The following ZC3H12C variants were observed in gnomAD, a reference collection of about 807,000 sequenced individuals.
ZC3H12C encodes probable ribonuclease ZC3H12C.
Under a neutral mutation model 76.3 loss-of-function variants are expected in ZC3H12C, and 20 were observed. The ratio of observed to expected loss-of-function variants is 0.26; its 90% CI spans 0.18 to 0.38. The LOEUF (loss-of-function observed/expected upper bound fraction) is 0.38, where lower values mean the gene tolerates loss of function less well. Ranked by LOEUF, ZC3H12C falls within the 10% of genes least tolerant of loss-of-function variation. The pLI is 1.00. For missense variants in ZC3H12C, 874 were observed against 1,086.5 expected (o/e 0.80, Z 2.75); for synonymous variants, 352 against 399.6 (o/e 0.88, Z 1.42).
chr11:110,157,006 C>T (rs183137896), intron 3 of ZC3H12C, among the ~76,000 whole-genome samples: 364 of 152,120 alleles, frequency 2.4e-3, no homozygotes, highest in Non-Finnish European at 2.4e-3. Flanking sequence ...TGGTGAAACC[C>T]CATCTCTACT....
intron 1 of ZC3H12C, among the ~76,000 whole-genome samples, chr11:110,127,294 T>C (rs1219343588): frequency 6.6e-6 from 1 of 152,226 alleles, no homozygotes; most frequent in Non-Finnish European, 1.5e-5. Context: ...TGGTTTAAAG[T>C]TAGTCTTTAA....
chr11:110,120,807 T>C (rs1015640432), intron 1 of ZC3H12C, among the ~76,000 whole-genome samples: 7 of 152,208 alleles, frequency 4.6e-5, no homozygotes, highest in African/African-American at 1.7e-4. Flanking sequence ...ATGCAGCACT[T>C]AAACATTGAT....
chr11:110,164,682 CA>C lies in ZC3H12C; in HGVS notation c.1600del (p.Ser534AlafsTer5). ...CCCAGCTACTTCTACTGCAAAACCCCAAAGCACTACATCTTTAAGCAATGGC... is the reference window on the plus strand; with the variant it reads ...CCCAGCTACTTCTACTGCAAAACCCCAAGCACTACATCTTTAAGCAATGGC... ...SIPATSTAKP[Q>X]STTSLSNGLP... is the part of the protein sequence containing the mutation. On this transcript the variant is annotated frameshift_variant, in exon 6 of 6. Transcript: ENST00000278590. LOFTEE classifies it high-confidence loss of function. The surrounding 1 kb of genome is among the most constrained non-coding windows in gnomAD (Gnocchi z 5.7). The C allele has an allele frequency of 6.2e-7, 1 of 1,614,028 alleles. No homozygotes were observed. Among genetic ancestry groups the C allele is most frequent in the Non-Finnish European group, 8.5e-7 (1 of 1,179,890 alleles).
chr11:110,112,458 TG>T (rs1057296760), intron 1 of ZC3H12C, among the ~76,000 whole-genome samples: 2 of 152,234 alleles, frequency 1.3e-5, no homozygotes, highest in African/African-American at 4.8e-5. Flanking sequence ...CCCAAAGTGC[TG>T]GGATTATAGG....
At chr11:110,104,597 A>G (rs1005183522) in intron 1 of ZC3H12C, among the ~76,000 whole-genome samples, 1 of 152,242 alleles carries the variant, frequency 6.6e-6, no homozygotes, top group Non-Finnish European at 1.5e-5. Flanking sequence ...CTGAAAGGCT[A>G]CACAGTGTGG....
At chr11:110,158,511 GAA>G (rs111478426) in intron 3 of ZC3H12C, among the ~76,000 whole-genome samples, 3 of 143,622 alleles carry the variant, frequency 2.1e-5, no homozygotes, top group African/African-American at 5.1e-5. Flanking sequence ...CTCAGTCACA[GAA>G]AAAAAAAAAA....
intron 2 of ZC3H12C, among the ~76,000 whole-genome samples, chr11:110,149,411 C>G (rs911236461): frequency 2.0e-5 from 3 of 152,216 alleles, no homozygotes; most frequent in African/African-American, 4.8e-5. Flanking sequence ...TGGGGTTTTA[C>G]TGTACCTGGA....
rs1488366854 is a variant in ZC3H12C, at chr11:110,164,772, A to G, written c.1687A>G (p.Met563Val). The change falls in exon 6 of 6, where the codon ATG becomes GTG. Residue 563 changes from methionine to valine, a missense_variant. Met to Val is a conservative substitution (Grantham distance 21). Transcript: ENST00000278590. The surrounding 1 kb of genome is among the most constrained non-coding windows in gnomAD (Gnocchi z 5.7). ...QRPQGQYPSM[M>V]MATKNHGTPM... Reference sequence around the variant, plus strand: ...ACCACAGGGACAATATCCTTCAATGATGATGGCAACCAAAAATCATGGAAC... The same window carrying G: ...ACCACAGGGACAATATCCTTCAATGGTGATGGCAACCAAAAATCATGGAAC... 2 of 1,613,918 alleles carry G rather than the reference A, an allele frequency of 1.2e-6. No homozygotes were observed. The highest frequency in any genetic ancestry group is 1.7e-6 in the Non-Finnish European group (2 of 1,179,902).
intron 2 of ZC3H12C, among the ~76,000 whole-genome samples, chr11:110,151,718 T>C (rs1214982149): frequency 6.6e-6 from 1 of 152,164 alleles, no homozygotes; most frequent in East Asian, 1.9e-4. Context: ...AATCTCCCTT[T>C]CCTTATCCCA....
intron 2 of ZC3H12C, among the ~76,000 whole-genome samples, chr11:110,142,866 C>A (rs992100457): frequency 6.6e-6 from 1 of 152,178 alleles, no homozygotes; most frequent in Non-Finnish European, 1.5e-5. Flanking sequence ...AAATTCCCTT[C>A]TCTACTCCCC....
In ZC3H12C at chr11:110,171,389, T is replaced by C. The variant is rs1201959679; in HGVS notation, c.*5652T>C. 1 of 152,220 alleles carries C rather than the reference T, an allele frequency of 6.6e-6. No individual in the cohort carries two copies. Among genetic ancestry groups the C allele is most frequent in the Non-Finnish European group, 1.5e-5 (1 of 68,036 alleles). The allele number at this position is 152,220 out of a possible 1,614,324, so 9.4% of individuals were successfully genotyped here. Reference sequence around the variant, plus strand: ...CCAAACCAGAGTCATATGCTGCTAGTAGAATTTTTTATTTGATCCTGCGAA... The same window carrying C: ...CCAAACCAGAGTCATATGCTGCTAGCAGAATTTTTTATTTGATCCTGCGAA... On this transcript the variant is annotated 3_prime_UTR_variant, in exon 6 of 6. Transcript: ENST00000278590.
At chr11:110,131,224 G>A (rs1214103382) in intron 1 of ZC3H12C, 8 of 787,816 alleles carry the variant, frequency 1.0e-5, no homozygotes, top group Non-Finnish European at 1.6e-5. Flanking sequence ...TTATTACATA[G>A]TGCCAACATA....
intron 1 of ZC3H12C, among the ~76,000 whole-genome samples, chr11:110,106,448 A>G (rs1399934233): frequency 6.6e-6 from 1 of 152,186 alleles, no homozygotes; most frequent in Non-Finnish European, 1.5e-5. Flanking sequence ...GTACAGTCAG[A>G]GAGATGGAGA....
chr11:110,147,779 GTC>G (rs1021409889), intron 2 of ZC3H12C, among the ~76,000 whole-genome samples: 101 of 152,260 alleles, frequency 6.6e-4, no homozygotes, highest in African/African-American at 2.4e-3. Context: ...TTCTAGGACA[GTC>G]TGTTATCCAG....
chr11:110,145,950 G>A (rs1862159178), intron 2 of ZC3H12C, among the ~76,000 whole-genome samples: 3 of 152,194 alleles, frequency 2.0e-5, no homozygotes, highest in Admixed American at 2.0e-4. Context: ...AAAGGTAGAA[G>A]ACGGTTGAGA....
rs746870693 is a variant in ZC3H12C, at chr11:110,165,767, GT to G, written c.*36del. The G allele has an allele frequency of 6.5e-7, 1 of 1,538,362 alleles. No individual in the cohort carries two copies. Among genetic ancestry groups the G allele is most frequent in the Non-Finnish European group, 8.8e-7 (1 of 1,141,264 alleles). On this transcript the variant is annotated 3_prime_UTR_variant, in exon 6 of 6. Transcript: ENST00000278590. ...TGATGCATCTTTGTGGTGTTTAGTA[GT>G]TTTTTGTTCAGCTCAAATGCTGAGG...
chr11:110,129,820 A>AT (rs36100559), intron 1 of ZC3H12C, among the ~76,000 whole-genome samples: 178 of 150,872 alleles, frequency 1.2e-3, no homozygotes, highest in Non-Finnish European at 2.2e-3. Flanking sequence ...ATTTTGATTG[A>AT]TTTTTTTTTT....
At chr11:110,146,189 C>T (rs956148194) in intron 2 of ZC3H12C, among the ~76,000 whole-genome samples, 1 of 152,072 alleles carries the variant, frequency 6.6e-6, no homozygotes, top group Non-Finnish European at 1.5e-5. Context: ...AGGGCTTCAC[C>T]GTGTTAGCCA....
intron 1 of ZC3H12C, among the ~76,000 whole-genome samples, chr11:110,102,835 G>T (rs1861242977): frequency 6.6e-6 from 1 of 152,130 alleles, no homozygotes; most frequent in Non-Finnish European, 1.5e-5. Context: ...CAACATTGAG[G>T]CAAGACCTTT....
Sources: allele counts gnomAD v4.1 joint callset (sites outside exome capture counted in the v4.1 genomes callset), GRCh38; gene constraint gnomAD v4.1.1; non-coding constraint Gnocchi (gnomAD v3.1); transcripts MANE v1.5; gene names NCBI Gene and HGNC (gene_info 2026-07-23, HGNC 2026-07-21).